The following ENTPD1 variants were observed in gnomAD, a reference collection of about 807,000 sequenced individuals.
ENTPD1 encodes the protein ectonucleoside triphosphate diphosphohydrolase 1.
A neutral mutation model predicts 57.0 loss-of-function variants in ENTPD1; 33 were observed. The ratio of observed to expected loss-of-function variants is 0.58; its 90% CI spans 0.44 to 0.77. The LOEUF is 0.77. Ranked by LOEUF, ENTPD1 falls within the 30% of genes least tolerant of loss-of-function variation. The pLI is 0.00. For missense variants in ENTPD1, 501 were observed against 603.4 expected (o/e 0.83, Z 1.78); for synonymous variants, 202 against 218.8 (o/e 0.92, Z 0.68).
intron 1 of ENTPD1, among the ~76,000 whole-genome samples, chr10:95,810,481 A>G (rs374801183): frequency 2.7e-4 from 29 of 107,720 alleles, no homozygotes; most frequent in East Asian, 1.6e-3. Flanking sequence ...CTTCCCGGAC[A>G]GGGCGGCCAG....
intron 7 of ENTPD1, among the ~76,000 whole-genome samples, chr10:95,855,570 G>A (rs1292597650): frequency 1.3e-5 from 2 of 152,118 alleles, no homozygotes; most frequent in Non-Finnish European, 2.9e-5. Context: ...TGCAGTGGCT[G>A]GTACCAGTTG....
upstream of ENTPD1, chr10:95,754,991 T>C (rs1038096120): frequency 2.0e-5 from 3 of 152,230 alleles, no homozygotes; most frequent in African/African-American, 7.2e-5. Context: ...AATTTAATGA[T>C]TTATATGGTA....
At chr10:95,799,331 T>C (rs948499832) in intron 1 of ENTPD1, among the ~76,000 whole-genome samples, 1 of 152,176 alleles carries the variant, frequency 6.6e-6, no homozygotes, top group Non-Finnish European at 1.5e-5. Flanking sequence ...GTGTGTGTTA[T>C]GCCACTTTAT....
At position 95,845,515 on chromosome 10, in the gene ENTPD1, G is replaced by A. The variant is rs1193442939; in HGVS notation, c.732G>A (p.Lys244=). 3.7e-6 allele frequency: 6 copies of A among 1,614,088 alleles called. No individual in the cohort carries two copies. In the African/African-American group the frequency reaches 6.7e-5, roughly 18 times the overall value. The change falls in exon 6 of 10, where the codon AAG becomes AAA. Residue 244 remains lysine, a synonymous_variant. Transcript: ENST00000371205. ...CTCTGCAATTTCGCCTCTATGGCAAGGACTACAATGTCTACACACATAGCT... is the reference window on the plus strand; with the variant it reads ...CTCTGCAATTTCGCCTCTATGGCAAAGACTACAATGTCTACACACATAGCT... ...DNALQFRLYG[K]DYNVYTHSFL...
intron 1 of ENTPD1, among the ~76,000 whole-genome samples, chr10:95,757,888 C>CT (rs2098035163): frequency 6.6e-6 from 1 of 151,342 alleles, no homozygotes; most frequent in Admixed American, 6.6e-5. Context: ...GCCTGTAGTC[C>CT]CAGCCACTTG....
chr10:95,768,263 T>G (rs2098098674), intron 1 of ENTPD1, among the ~76,000 whole-genome samples: 1 of 152,242 alleles, frequency 6.6e-6, no homozygotes, highest in Non-Finnish European at 1.5e-5. Flanking sequence ...CAAAAATTTT[T>G]GCCTGGGATA....
chr10:95,740,339 G>A (rs769723597), intron 1 of ENTPD1, among the ~76,000 whole-genome samples: 3 of 152,294 alleles, frequency 2.0e-5, no homozygotes, highest in Non-Finnish European at 4.4e-5. Context: ...TGGCCAGGCT[G>A]GGCTCGAACT....
intron 1 of ENTPD1, among the ~76,000 whole-genome samples, chr10:95,731,767 G>C (rs1470227690): frequency 4.9e-5 from 6 of 121,900 alleles, no homozygotes; most frequent in Non-Finnish European, 1.0e-4. Context: ...GTAAGAATTA[G>C]AGGAGTGGAC....
Position 95,866,829 on chromosome 10 carries a change from GA to G in ENTPD1, c.*449del, listed in dbSNP as rs2098475067. 9.5e-7 allele frequency: 1 copy of G among 1,053,578 alleles called. No homozygotes were observed. The highest frequency in any genetic ancestry group is 1.1e-6 in the Non-Finnish European group (1 of 870,948). The allele number at this position is 1,053,578 out of a possible 1,614,324, so 65.3% of individuals were successfully genotyped here. On this transcript the variant is annotated 3_prime_UTR_variant, in exon 10 of 10. Coordinates refer to ENST00000371205, the MANE Select transcript of ENTPD1 (RefSeq NM_001776.6). ...CTCTCTCCTGTTTGCCATCCATTAA[GA>G]AAGCCATATGATGCCTTTGGAGAAG...
At chr10:95,811,771 A>C (rs1386979587) in intron 1 of ENTPD1, among the ~76,000 whole-genome samples, 1 of 152,220 alleles carries the variant, frequency 6.6e-6, no homozygotes, top group African/African-American at 2.4e-5. Context: ...TCATGTCTGC[A>C]TAGAATTATG....
At chr10:95,860,732 A>G (rs2098463994) in intron 8 of ENTPD1, 150 bp downstream of exon 8, 6 of 690,670 alleles carry the variant, frequency 8.7e-6, no homozygotes, top group Non-Finnish European at 1.3e-5. Context: ...TCAGGAATGA[A>G]TTTATCAGCA....
intron 2 of ENTPD1, among the ~76,000 whole-genome samples, chr10:95,825,640 C>T (rs140213952): frequency 0.027 from 4,042 of 152,266 alleles, 84 homozygotes; most frequent in Middle Eastern, 0.058. Flanking sequence ...TGCAGTGGCA[C>T]GATCTCGGCT....
At chr10:95,828,266 C>T (rs10882675) in intron 2 of ENTPD1, among the ~76,000 whole-genome samples, 76,321 of 151,948 alleles carry the variant, frequency 0.5, 19,670 homozygotes, top group Admixed American at 0.6. Context: ...ATCGGGATTG[C>T]GTGCTCCTTG....
chr10:95,806,913 G>T (rs539584708), intron 1 of ENTPD1, among the ~76,000 whole-genome samples: 2 of 152,166 alleles, frequency 1.3e-5, no homozygotes, highest in Non-Finnish European at 2.9e-5. Flanking sequence ...CCTATATGAG[G>T]TGTCTGCTGG....
At chr10:95,758,947 C>T (rs1016956833) in intron 1 of ENTPD1, among the ~76,000 whole-genome samples, 4 of 152,188 alleles carry the variant, frequency 2.6e-5, no homozygotes, top group Admixed American at 2.6e-4. Context: ...AGCTTGGCAG[C>T]CACATTCATC....
chr10:95,858,891 G>C (rs1405944133), intron 7 of ENTPD1, among the ~76,000 whole-genome samples: 1 of 152,188 alleles, frequency 6.6e-6, no homozygotes, highest in Non-Finnish European at 1.5e-5. Flanking sequence ...AGCTGACTTG[G>C]AGGGATTTCT....
the ENTPD1 span, among the ~76,000 whole-genome samples, chr10:95,697,143 A>G: frequency 1.3e-5 from 2 of 152,248 alleles, no homozygotes; most frequent in Non-Finnish European, 2.9e-5. Flanking sequence ...TGCTCTAAGC[A>G]CACAGAAAGA....
At chr10:95,736,662 G>A (rs1156463470) in intron 1 of ENTPD1, among the ~76,000 whole-genome samples, 2 of 152,136 alleles carry the variant, frequency 1.3e-5, no homozygotes, top group Non-Finnish European at 2.9e-5. Flanking sequence ...AACTCCTGGT[G>A]TAGTTATCCT....
At chr10:95,784,395 A>G (rs947221253) in intron 1 of ENTPD1, among the ~76,000 whole-genome samples, 1 of 152,048 alleles carries the variant, frequency 6.6e-6, no homozygotes, top group Non-Finnish European at 1.5e-5. Context: ...ACCAGCAGCC[A>G]CTCTCTAACT....
Sources: allele counts gnomAD v4.1 joint callset (sites outside exome capture counted in the v4.1 genomes callset), GRCh38; gene constraint gnomAD v4.1.1; transcripts MANE v1.5; gene names NCBI Gene and HGNC (gene_info 2026-07-23, HGNC 2026-07-21).